Variants in TLL2 observed in about 807,000 individuals in gnomAD.
The protein encoded by TLL2 is tolloid like 2.
In TLL2, 106 loss-of-function variants were observed where a neutral mutation model predicts 123.0. The ratio of observed to expected loss-of-function variants is 0.86; its 90% CI spans 0.74 to 1.01. TLL2 has a LOEUF of 1.01. Ranked by LOEUF, TLL2 falls within the 50% of genes least tolerant of loss-of-function variation. TLL2 has a pLI of 0.00. For missense variants in TLL2, 1,332 were observed against 1,336.7 expected, an observed-to-expected ratio of 1.00 and a Z score of 0.06; for synonymous variants, 494 against 516.8, an observed-to-expected ratio of 0.96 and a Z score of 0.60.
intron 2 of TLL2, among the ~76,000 whole-genome samples, chr10:96,477,090 T>TA (rs1847266415): frequency 9.5e-6 from 1 of 104,738 alleles, no homozygotes; most frequent in Non-Finnish European, 1.9e-5. Flanking sequence ...ACAAAAACAA[T>TA]AAAAAATATT....
In TLL2 at chr10:96,512,744, T is replaced by C. The variant is rs148782711; in HGVS notation, c.175+767A>G. On this transcript the variant is annotated intron_variant, in intron 1 of 20. Coordinates refer to ENST00000357947, the MANE Select transcript of TLL2 (RefSeq NM_012465.4). ...AACATGCGCTTGGCCCTTCGGAGGCTAACGCTTCAACGACTCCAGCTCGGA... is the reference window on the plus strand; with the variant it reads ...AACATGCGCTTGGCCCTTCGGAGGCCAACGCTTCAACGACTCCAGCTCGGA... Among the ~76,000 whole-genome samples, 1,364 of 152,342 alleles carry C rather than the reference T, an allele frequency of 9.0e-3. 8 individuals carry two copies. Among genetic ancestry groups the C allele is most frequent in the Non-Finnish European group, 0.015 (1,049 of 68,024 alleles).
At chr10:96,479,966 A>G (rs897306243) in intron 2 of TLL2, among the ~76,000 whole-genome samples, 2 of 152,006 alleles carry the variant, frequency 1.3e-5, no homozygotes, top group Non-Finnish European at 2.9e-5. Context: ...AGGCTTCTCC[A>G]CTCACTCTCT....
At chr10:96,512,970 A>C (rs977882371) in intron 1 of TLL2, among the ~76,000 whole-genome samples, 1 of 152,244 alleles carries the variant, frequency 6.6e-6, no homozygotes, top group South Asian at 2.1e-4. Flanking sequence ...GTTTCCGGCT[A>C]TTCGAGTCTT....
chr10:96,445,684 G>T (rs1846891935), intron 3 of TLL2, among the ~76,000 whole-genome samples: 1 of 152,196 alleles, frequency 6.6e-6, no homozygotes, highest in African/African-American at 2.4e-5. Context: ...AGGCAGAAAA[G>T]TCCAGCCAAG....
chr10:96,400,600 C>T (rs754136571), intron 10 of TLL2, among the ~76,000 whole-genome samples: 1 of 152,220 alleles, frequency 6.6e-6, no homozygotes, highest in Non-Finnish European at 1.5e-5. Context: ...ATTTGGGAGG[C>T]TGCCCCTGGC....
At chr10:96,387,190 A>T (rs1846244627) in intron 13 of TLL2, 112 bp from the exon 14 acceptor site, 1 of 1,449,798 alleles carries the variant, frequency 6.9e-7, no homozygotes, top group Non-Finnish European at 9.4e-7. Context: ...AACAGGAGCC[A>T]CTCCTGGTGA....
chr10:96,495,963 A>C (rs1365085717), intron 1 of TLL2, among the ~76,000 whole-genome samples: 2 of 152,214 alleles, frequency 1.3e-5, no homozygotes. Context: ...GAAAACTTTA[A>C]AACTGAAGAA....
intron 1 of TLL2, among the ~76,000 whole-genome samples, chr10:96,498,984 T>C (rs1336865280): frequency 6.6e-6 from 1 of 152,228 alleles, no homozygotes; most frequent in African/African-American, 2.4e-5. Context: ...TACCAATATA[T>C]TGCCTCTTGG....
At chr10:96,368,918 A>G (rs1846052883) in intron 20 of TLL2, among the ~76,000 whole-genome samples, 1 of 152,230 alleles carries the variant, frequency 6.6e-6, no homozygotes, top group Non-Finnish European at 1.5e-5. Context: ...TCATAGTTTG[A>G]AAGATTTTAT....
chr10:96,384,677 C>G lies in TLL2; in HGVS notation c.2104G>C (p.Val702Leu), dbSNP rs756738806. 6.2e-7 allele frequency: 1 copy of G among 1,613,038 alleles called. No homozygotes were observed. The highest frequency in any genetic ancestry group is 1.7e-5 in the Admixed American group (1 of 59,930). The change falls in exon 16 of 21, where the codon GTC becomes CTC. Residue 702 changes from valine to leucine, a missense_variant. Coordinates refer to ENST00000357947, the MANE Select transcript of TLL2 (RefSeq NM_012465.4). ...GRFCGSETPE[V>L]ITSQSNNMRV... ...ATGTTGTTGCTCTGCGAGGTGATGA[C>G]CTCCGGCGTCTCAGAGCCGCAGAAC...
chr10:96,395,187 C>T lies in TLL2; in HGVS notation c.1726G>A (p.Glu576Lys), dbSNP rs1329674277. The change falls in exon 13 of 21, where the codon GAG becomes AAG. Residue 576 changes from glutamate to lysine, a missense_variant and splice_region_variant. Coordinates refer to ENST00000357947, the MANE Select transcript of TLL2 (RefSeq NM_012465.4). Reference sequence around the variant, plus strand: ...GTGGAAACAAACTGCTAATTCATACCCTTGAAAAAATTGGCTGCAAAGCCC... The same window carrying T: ...GTGGAAACAAACTGCTAATTCATACTCTTGAAAAAATTGGCTGCAAAGCCC... ...KAGFAANFFK[E>K]VDECSWPDHG... is the part of the protein sequence containing the mutation. 1.9e-6 allele frequency: 3 copies of T among 1,601,504 alleles called. No individual in the cohort carries two copies. Among genetic ancestry groups the T allele is most frequent in the Non-Finnish European group, 2.6e-6 (3 of 1,174,128 alleles).
intron 10 of TLL2, among the ~76,000 whole-genome samples, 153 bp downstream of exon 10, chr10:96,405,079 A>G (rs1277550693): frequency 6.6e-6 from 1 of 152,192 alleles, no homozygotes; most frequent in Non-Finnish European, 1.5e-5. Flanking sequence ...AGCTTTTAAC[A>G]TGTGTGGCCA....
chr10:96,420,448 G>A lies in TLL2; in HGVS notation c.923+508C>T, dbSNP rs571869323. ...TCTGTGACCTGCAGGTGGGAACCTGGATCCTTGCTCTCACTCCAGTCCTCA... is the reference window on the plus strand; with the variant it reads ...TCTGTGACCTGCAGGTGGGAACCTGAATCCTTGCTCTCACTCCAGTCCTCA... On this transcript the variant is annotated intron_variant, in intron 7 of 20. Coordinates refer to ENST00000357947, the MANE Select transcript of TLL2 (RefSeq NM_012465.4). Among the ~76,000 whole-genome samples the A allele has an allele frequency of 1.2e-3, 179 of 152,328 alleles. 1 individual carries two copies. Among genetic ancestry groups the A allele is most frequent in the South Asian group, 0.01 (49 of 4,832 alleles).
chr10:96,452,541 A>T (rs1846971895), intron 2 of TLL2, among the ~76,000 whole-genome samples: 1 of 152,220 alleles, frequency 6.6e-6, no homozygotes, highest in Admixed American at 6.5e-5. Context: ...TGTAATCTGC[A>T]CAGCAATCCC....
chr10:96,400,989 G>A (rs1361029058), intron 10 of TLL2, among the ~76,000 whole-genome samples: 1 of 152,148 alleles, frequency 6.6e-6, no homozygotes, highest in Non-Finnish European at 1.5e-5. Flanking sequence ...AAACCTGGGT[G>A]TCGAAAAATA....
chr10:96,406,028 T>C (rs1846446247), intron 9 of TLL2, among the ~76,000 whole-genome samples: 1 of 152,138 alleles, frequency 6.6e-6, no homozygotes, highest in African/African-American at 2.4e-5. Context: ...AGAGGGATTG[T>C]CATGAGGAGC....
At chr10:96,431,742 C>T (rs1200146099) in intron 4 of TLL2, among the ~76,000 whole-genome samples, 1 of 152,110 alleles carries the variant, frequency 6.6e-6, no homozygotes, top group Non-Finnish European at 1.5e-5. Context: ...GTTCAGGTCA[C>T]GGTAAGTGCT....
intron 2 of TLL2, among the ~76,000 whole-genome samples, chr10:96,454,750 C>T (rs190100874): frequency 6.6e-6 from 1 of 152,276 alleles, no homozygotes; most frequent in East Asian, 1.9e-4. Flanking sequence ...GAAAACAATG[C>T]CTGGCCTGTA....
rs369236340 is a variant in TLL2 at position 96,395,308 on chromosome 10, G to A, written c.1605C>T (p.Ile535=). The part of the protein sequence containing the change: ...RDGPTEESAL[I]GHFCGYEKPE... ...GCTTCTCATAGCCACAAAAGTGGCC[G>A]ATCAGGGCACTCTCTTCCGTGGGGC... Residue 535 remains isoleucine (I), a synonymous_variant, in exon 13 of 21, where the codon ATC becomes ATT. Coordinates refer to ENST00000357947, the MANE Select transcript of TLL2 (RefSeq NM_012465.4). 19 of 1,613,852 alleles carry A rather than the reference G, an allele frequency of 1.2e-5. No homozygotes were observed. Among genetic ancestry groups the A allele is most frequent in the African/African-American group, 2.7e-5 (2 of 74,928 alleles).
Sources: gnomAD v4.1 joint callset for allele counts (sites outside exome capture counted in the v4.1 genomes callset) on GRCh38, gnomAD v4.1.1 for gene constraint, MANE v1.5 for transcripts, NCBI Gene and HGNC (gene_info 2026-07-23, HGNC 2026-07-21) for gene names.